The following STRN3 variants were observed in gnomAD, a reference collection of about 807,000 sequenced individuals.
STRN3 encodes striatin 3.
A neutral mutation model predicts 95.6 loss-of-function variants in STRN3; 29 were observed. That is an observed-to-expected ratio of 0.30 (90% CI 0.23 to 0.41). The LOEUF is 0.41. Among genes scored for constraint, STRN3 ranks in the 10% least tolerant of loss-of-function variants. The probability of loss-of-function intolerance (pLI) is 1.00; values close to 1 mark genes in which losing one functional copy is unlikely to be tolerated. For missense variants in STRN3, 890 were observed against 972.1 expected, an observed-to-expected ratio of 0.92 and a Z score of 1.12; for synonymous variants, 331 against 357.6, an observed-to-expected ratio of 0.93 and a Z score of 0.84.
At chr14:30,903,453 G>A (rs1896378577) in intron 15 of STRN3, among the ~76,000 whole-genome samples, 1 of 152,144 alleles carries the variant, frequency 6.6e-6, no homozygotes, top group Non-Finnish European at 1.5e-5. Context: ...CTAGGCTGGA[G>A]TGCAATGGTG....
Position 31,012,415 on chromosome 14 carries a change from TAAC to T in STRN3, c.282+13486_282+13488del, listed in dbSNP as rs1269298429. 3.3e-5 allele frequency among the ~76,000 whole-genome samples: 5 copies of T among 152,286 alleles called. No homozygotes were observed. The East Asian group carries it at 5.8e-4, about 18-fold the overall frequency. On this transcript the variant is annotated intron_variant, in intron 1 of 17. Transcript: ENST00000357479. ...ACTTTCCACAACTGCTAACAACTCT[TAAC>T]AACAGCAACAAAAAGGAAACACAAC...
At chr14:30,917,309 T>C (rs1461953980) in intron 9 of STRN3, among the ~76,000 whole-genome samples, 1 of 152,136 alleles carries the variant, frequency 6.6e-6, no homozygotes, top group East Asian at 1.9e-4. Flanking sequence ...ACATAACACA[T>C]AAACAAACAC....
At chr14:30,979,290 T>C (rs1881270959) in intron 1 of STRN3, among the ~76,000 whole-genome samples, 1 of 152,040 alleles carries the variant, frequency 6.6e-6, no homozygotes, top group East Asian at 1.9e-4. Flanking sequence ...ATTTAAAAAG[T>C]ATATTTTTAT....
chr14:30,947,262 ACCTG>A lies in STRN3; in HGVS notation c.543-3_543del. ...TCTGTATAACCTACTTCCTGAAGAT[ACCTG>A]TAAGAGAAAATAAATATTAAAATCC... is the stretch of plus-strand genomic sequence containing the variant. On this transcript the variant is annotated splice_acceptor_variant and splice_polypyrimidine_tract_variant and coding_sequence_variant and intron_variant, in exon 5 of 18. Coordinates refer to ENST00000357479, the MANE Select transcript of STRN3 (RefSeq NM_001083893.2). LOFTEE classifies it high-confidence loss of function. 6.3e-7 allele frequency: 1 copy of A among 1,578,504 alleles called. No individual in the cohort carries two copies. The highest frequency in any genetic ancestry group is 8.6e-7 in the Non-Finnish European group (1 of 1,167,318).
At chr14:30,936,418 A>G in intron 6 of STRN3, 77 bp downstream of exon 6, 2 of 1,482,300 alleles carry the variant, frequency 1.3e-6, no homozygotes, top group Non-Finnish European at 1.8e-6. Flanking sequence ...CTCCCAATGT[A>G]ACTTAAGATA....
rs764157736 is a variant in STRN3, at chr14:30,911,847, AG to A, written c.1551-24del. On this transcript the variant is annotated intron_variant, in intron 11 of 17. Transcript: ENST00000357479. ...CTCCTAAAAGAGGGGGAAAAAGGGT[AG>A]GGGAAGAGAAGGCAATTAAATAACT... The A allele has an allele frequency of 4.4e-6, 7 of 1,597,214 alleles. No individual in the cohort carries two copies. In the South Asian group the frequency reaches 5.7e-5, roughly 13 times the overall value.
chr14:31,009,611 T>TTC (rs1337281917), intron 1 of STRN3, among the ~76,000 whole-genome samples: 3 of 151,628 alleles, frequency 2.0e-5, no homozygotes, highest in Non-Finnish European at 4.4e-5. Context: ...CCAATTTTTT[T>TTC]TTTTTTTTTA....
Position 30,911,075 on chromosome 14 carries a change from C to T in STRN3, c.1686G>A (p.Met562Ile), listed in dbSNP as rs1483740630. Residue 562 changes from methionine (M) to isoleucine (I), a missense_variant, in exon 13 of 18, where the codon ATG becomes ATA. Met to Ile is a conservative substitution (Grantham distance 10). Around this residue, in one of 3 missense-constraint regions of STRN3, gnomAD observed 357 missense variants for 422.8 expected, o/e 0.84. Coordinates refer to ENST00000357479, the MANE Select transcript of STRN3 (RefSeq NM_001083893.2). Reference sequence around the variant, plus strand: ...CATATGGATCTACACTGGGACTCGGCATATTCCACCACTGGATGGTTGCAT... The same window carrying T: ...CATATGGATCTACACTGGGACTCGGTATATTCCACCACTGGATGGTTGCAT... ...GIDATIQWWN[M>I]PSPSVDPYDT... 6.2e-7 allele frequency: 1 copy of T among 1,614,074 alleles called. No homozygotes were observed. The highest frequency in any genetic ancestry group is 1.7e-5 in the Admixed American group (1 of 60,002).
rs560463886 is a variant in STRN3, at chr14:30,904,316, T to C, written c.2029+1102A>G. On this transcript the variant is annotated intron_variant, in intron 15 of 17. Transcript: ENST00000357479. ...ATGAGCCCCACTGAGTAAGCCCCAC[T>C]GGCCAAAATCAAAGGATCTGAACAG... is the stretch of plus-strand genomic sequence containing the variant. Among the ~76,000 whole-genome samples the C allele has an allele frequency of 2.6e-4, 39 of 152,246 alleles. 1 individual carries two copies. The South Asian group carries it at 6.6e-3, about 26-fold the overall frequency.
chr14:31,020,302 C>G (rs1346290668), intron 1 of STRN3, among the ~76,000 whole-genome samples: 2 of 152,038 alleles, frequency 1.3e-5, no homozygotes, highest in Non-Finnish European at 2.9e-5. Context: ...AGTTCAAGAC[C>G]AGCCTGGCCA....
rs117477677 is a variant in STRN3, at chr14:30,993,513, G to C, written c.282+32391C>G. Among the ~76,000 whole-genome samples, 548 of 152,264 alleles carry C rather than the reference G, an allele frequency of 3.6e-3. 2 individuals are homozygous for C. Among genetic ancestry groups the C allele is most frequent in the Middle Eastern group, 6.8e-3 (2 of 292 alleles). ...TTAAATATAACATGAGAAATGGAGT[G>C]AATCTTTGAAGACTGAAATTGTCAG... is the stretch of plus-strand genomic sequence containing the variant. On this transcript the variant is annotated intron_variant, in intron 1 of 17. Coordinates refer to ENST00000357479, the MANE Select transcript of STRN3 (RefSeq NM_001083893.2).
At chr14:30,966,495 G>A (rs1880516558) in intron 1 of STRN3, among the ~76,000 whole-genome samples, 1 of 152,256 alleles carries the variant, frequency 6.6e-6, no homozygotes, top group East Asian at 1.9e-4. Context: ...CCTCAGGGAT[G>A]AGAAATCAAG....
intron 1 of STRN3, among the ~76,000 whole-genome samples, chr14:30,965,021 T>C (rs1880413498): frequency 6.6e-6 from 1 of 152,058 alleles, no homozygotes; most frequent in Admixed American, 6.6e-5. Flanking sequence ...ATTATTGAGG[T>C]TAAGTGTTCA....
intron 1 of STRN3, among the ~76,000 whole-genome samples, chr14:31,004,146 G>T (rs955405242): frequency 6.6e-6 from 1 of 152,072 alleles, no homozygotes; most frequent in Non-Finnish European, 1.5e-5. Flanking sequence ...TTAGCCGGGT[G>T]TGATGGCATG....
At chr14:31,020,533 G>C (rs1406494536) in intron 1 of STRN3, among the ~76,000 whole-genome samples, 3 of 151,808 alleles carry the variant, frequency 2.0e-5, no homozygotes. Context: ...ATAAATATTA[G>C]GTATTATCTG....
At chr14:30,989,009 T>C (rs1002205012) in intron 1 of STRN3, among the ~76,000 whole-genome samples, 1 of 152,192 alleles carries the variant, frequency 6.6e-6, no homozygotes, top group African/African-American at 2.4e-5. Context: ...ATCAGGACAG[T>C]AGATCTCAAG....
rs746597635 is a variant in STRN3, at chr14:30,935,292, C to T, written c.859G>A (p.Gly287Ser). 1 of 1,613,844 alleles carries T rather than the reference C, an allele frequency of 6.2e-7. No individual in the cohort carries two copies. The highest frequency in any genetic ancestry group is 8.5e-7 in the Non-Finnish European group (1 of 1,179,870). The change falls in exon 7 of 18, where the codon GGT becomes AGT. Residue 287 changes from glycine (G) to serine (S), a missense_variant. Physicochemically the swap from Gly to Ser is moderately conservative, Grantham distance 56. Around this residue, in one of 3 missense-constraint regions of STRN3, gnomAD observed 526 missense variants for 526.3 expected, o/e 1.00. Coordinates refer to ENST00000357479, the MANE Select transcript of STRN3 (RefSeq NM_001083893.2). ...TCGTCAGTTAGGTCAGCAGCTAAAC[C>T]TTCATTACCTATCTGTAAATAGAAT... ...RMNKHKIGNE[G>S]LAADLTDDPD...
intron 5 of STRN3, among the ~76,000 whole-genome samples, chr14:30,945,528 C>T (rs1438039668): frequency 6.6e-6 from 1 of 151,976 alleles, no homozygotes; most frequent in Non-Finnish European, 1.5e-5. Flanking sequence ...TAACCTGAGC[C>T]TAGGGAGGTC....
intron 1 of STRN3, among the ~76,000 whole-genome samples, chr14:31,006,480 G>C (rs1010236751): frequency 1.3e-5 from 2 of 152,058 alleles, no homozygotes; most frequent in African/African-American, 4.8e-5. Flanking sequence ...TGGATTACCT[G>C]AGGTTAGGAG....
Sources: allele counts gnomAD v4.1 joint callset (sites outside exome capture counted in the v4.1 genomes callset), GRCh38; gene constraint gnomAD v4.1.1; regional missense constraint gnomAD v4.1.1; transcripts MANE v1.5; gene names NCBI Gene and HGNC (gene_info 2026-07-23, HGNC 2026-07-21).